TANGO6: variants seen among roughly 807,000 people sequenced by gnomAD.
TANGO6 encodes the protein transport and Golgi organization protein 6 homolog.
Under a neutral mutation model 114.2 loss-of-function variants are expected in TANGO6, and 90 were observed. The ratio of observed to expected loss-of-function variants is 0.79; its 90% CI spans 0.66 to 0.94. The LOEUF (loss-of-function observed/expected upper bound fraction) is 0.94. Among genes scored for constraint, TANGO6 ranks in the 40% least tolerant of loss-of-function variants. TANGO6 has a pLI of 0.00. For synonymous variants in TANGO6, 477 were observed against 509.8 expected, an observed-to-expected ratio of 0.94 and a Z score of 0.87; for missense variants, 1,274 against 1,315.3, an observed-to-expected ratio of 0.97 and a Z score of 0.49.
chr16:69,073,823 C>T (rs1211993688), intron 17 of TANGO6, among the ~76,000 whole-genome samples: 1 of 152,006 alleles, frequency 6.6e-6, no homozygotes, highest in Non-Finnish European at 1.5e-5. Flanking sequence ...GGCATGGTGG[C>T]GGGCGCCTGT....
At chr16:68,950,858 C>CA (rs931557951) in intron 14 of TANGO6, among the ~76,000 whole-genome samples, 29 of 149,144 alleles carry the variant, frequency 1.9e-4, no homozygotes, top group Admixed American at 5.3e-4. Context: ...GACTCTGTCT[C>CA]AAAAAAAAAG....
At chr16:68,969,865 G>A (rs1347748218) in intron 14 of TANGO6, among the ~76,000 whole-genome samples, 3 of 152,054 alleles carry the variant, frequency 2.0e-5, no homozygotes, top group South Asian at 2.1e-4. Flanking sequence ...AGATGCCATC[G>A]GGTCTCTTCT....
At chr16:68,979,140 C>T (rs955674695) in intron 15 of TANGO6, among the ~76,000 whole-genome samples, 3 of 151,894 alleles carry the variant, frequency 2.0e-5, no homozygotes, top group South Asian at 2.1e-4. Flanking sequence ...AGGCTGATCC[C>T]GACCCCCTGG....
chr16:69,062,784 AT>A (rs758600713), intron 17 of TANGO6, among the ~76,000 whole-genome samples: 3 of 114,526 alleles, frequency 2.6e-5, no homozygotes, highest in African/African-American at 9.7e-5. Flanking sequence ...ATAAAAAGAA[AT>A]TTAAAAAAAA....
intron 16 of TANGO6, among the ~76,000 whole-genome samples, chr16:69,024,372 A>G (rs1181496057): frequency 1.3e-5 from 2 of 151,226 alleles, no homozygotes; most frequent in Non-Finnish European, 2.9e-5. Flanking sequence ...GTCCCAGTTC[A>G]AGCAGTTCTC....
Position 68,927,979 on chromosome 16 carries a change from T to C in TANGO6, c.2539T>C (p.Tyr847His). The change falls in exon 13 of 18, where the codon TAT (tyrosine) becomes CAT (histidine). Residue 847 changes from tyrosine (Y) to histidine (H), a missense_variant. By Grantham distance (83) the Tyr-to-His change is moderately conservative (BLOSUM62 2). Around this residue, in one of 5 missense-constraint regions of TANGO6, gnomAD observed 908 missense variants for 910.2 expected, o/e 1.00. Coordinates refer to ENST00000261778, the MANE Select transcript of TANGO6 (RefSeq NM_024562.2). ...EQLQEVLLSA[Y>H]DPQIPTRAAA... The stretch of plus-strand genomic sequence containing the variant: ...GCTCCAAGAGGTTCTTTTGTCAGCT[T>C]ATGACCCTCAAATTCCAACACGGGC... The C allele has an allele frequency of 6.2e-7, 1 of 1,613,438 alleles. No homozygotes were observed. Among genetic ancestry groups the C allele is most frequent in the Non-Finnish European group, 8.5e-7 (1 of 1,179,666 alleles).
At chr16:68,980,383 T>TCTCTCTCTC (rs1555526453) in intron 15 of TANGO6, among the ~76,000 whole-genome samples, 458 of 36,722 alleles carry the variant, frequency 0.012, 20 homozygotes, top group African/African-American at 0.02. Flanking sequence ...CTGTCTGTCA[T>TCTCTCTCTC]TCTCTCTCTC....
chr16:69,002,257 CA>C (rs1964051062), intron 15 of TANGO6, among the ~76,000 whole-genome samples: 1 of 151,818 alleles, frequency 6.6e-6, no homozygotes, highest in South Asian at 2.1e-4. Flanking sequence ...AGAAGAAAAA[CA>C]AACCAAAAAA....
At chr16:68,998,574 A>G (rs894926758) in intron 15 of TANGO6, among the ~76,000 whole-genome samples, 2 of 151,970 alleles carry the variant, frequency 1.3e-5, no homozygotes, top group African/African-American at 2.4e-5. Context: ...TACTAAAAAT[A>G]CAAGACATTA....
At chr16:69,076,610 G>C (rs1001186786) in intron 17 of TANGO6, among the ~76,000 whole-genome samples, 31 of 152,118 alleles carry the variant, frequency 2.0e-4, no homozygotes, top group Non-Finnish European at 3.1e-4. Flanking sequence ...TTCTGTGTTC[G>C]AAGCAACGCA....
intron 4 of TANGO6, 108 bp downstream of exon 4, chr16:68,867,328 A>G (rs2152162059): frequency 1.4e-6 from 2 of 1,417,016 alleles, no homozygotes; most frequent in Non-Finnish European, 1.9e-6. Context: ...GACTGAAACT[A>G]AACTCCATCC....
chr16:68,938,939 G>T (rs1963323673), intron 14 of TANGO6, among the ~76,000 whole-genome samples: 1 of 151,734 alleles, frequency 6.6e-6, no homozygotes, highest in Admixed American at 6.6e-5. Context: ...AGTCATGGTG[G>T]CTCACACCTG....
At chr16:68,936,734 G>A (rs1480867802) in intron 14 of TANGO6, among the ~76,000 whole-genome samples, 1 of 151,874 alleles carries the variant, frequency 6.6e-6, no homozygotes, top group Non-Finnish European at 1.5e-5. Flanking sequence ...TGCATTTTGG[G>A]GATCCAAGTG....
chr16:69,013,654 CT>C (rs1221505040), intron 15 of TANGO6, among the ~76,000 whole-genome samples: 1,540 of 128,092 alleles, frequency 0.012, 21 homozygotes, highest in African/African-American at 0.038. Flanking sequence ...CCTTAAGTTC[CT>C]TTTTTTTTTT....
chr16:68,913,012 G>A (rs1349611819), intron 11 of TANGO6, among the ~76,000 whole-genome samples: 3 of 151,228 alleles, frequency 2.0e-5, no homozygotes, highest in East Asian at 2.0e-4. Flanking sequence ...CCCGGGAGGC[G>A]GAGGTTGCAG....
chr16:68,846,499 T>C, intron 1 of TANGO6: 2 of 354,618 alleles, frequency 5.6e-6, no homozygotes, highest in Non-Finnish European at 1.1e-5. Context: ...TATACGATTC[T>C]TTCTTTTTTT....
chr16:69,032,924 G>A (rs1360751292), intron 16 of TANGO6, among the ~76,000 whole-genome samples: 1 of 149,038 alleles, frequency 6.7e-6, no homozygotes, highest in African/African-American at 2.5e-5. Context: ...GGTGGCTCAT[G>A]CCTGTAATCT....
chr16:68,966,385 T>C (rs972124594), intron 14 of TANGO6, among the ~76,000 whole-genome samples: 1 of 151,458 alleles, frequency 6.6e-6, no homozygotes. Context: ...GTGCCTATAG[T>C]CCCAGCTACT....
chr16:69,058,766 C>T (rs1359146332), intron 17 of TANGO6, among the ~76,000 whole-genome samples: 1 of 151,074 alleles, frequency 6.6e-6, no homozygotes, highest in Non-Finnish European at 1.5e-5. Context: ...CCCGTGTTCA[C>T]ACCATTCTCC....
Sources: gnomAD v4.1 joint callset for allele counts (sites outside exome capture counted in the v4.1 genomes callset) on GRCh38, gnomAD v4.1.1 for gene constraint, gnomAD v4.1.1 regional missense constraint, MANE v1.5 for transcripts, NCBI Gene and HGNC (gene_info 2026-07-23, HGNC 2026-07-21) for gene names.